BICD2: variants seen among roughly 807,000 people sequenced by gnomAD.
BICD2 encodes BICD cargo adaptor 2.
A neutral mutation model predicts 72.9 loss-of-function variants in BICD2; 25 were observed. The observed-to-expected ratio is 0.34, with a 90% CI of 0.25 to 0.48. BICD2 has a LOEUF of 0.48. Ranked by LOEUF, BICD2 falls within the 20% of genes least tolerant of loss-of-function variation. The pLI is 0.99. For synonymous variants in BICD2, 501 were observed against 516.1 expected, an observed-to-expected ratio of 0.97 and a Z score of 0.40; for missense variants, 894 against 1,175.2, an observed-to-expected ratio of 0.76 and a Z score of 3.50.
At chr9:92,754,870 T>C (rs1238517957) in intron 1 of BICD2, among the ~76,000 whole-genome samples, 1 of 152,078 alleles carries the variant, frequency 6.6e-6, no homozygotes, top group East Asian at 1.9e-4. Flanking sequence ...AATAATTGCA[T>C]TAACTGCACA....
At chr9:92,755,269 C>T (rs957727871) in intron 1 of BICD2, among the ~76,000 whole-genome samples, 1 of 152,192 alleles carries the variant, frequency 6.6e-6, no homozygotes, top group African/African-American at 2.4e-5. Context: ...ATCTCAAAAC[C>T]CTGTCTCCTG....
rs771936697 is a variant in BICD2 at position 92,764,562 on chromosome 9, G to A, written c.183C>T (p.Phe61=). 1 of 1,556,192 alleles carries A rather than the reference G, an allele frequency of 6.4e-7. No homozygotes were observed. Among genetic ancestry groups the A allele is most frequent in the South Asian group, 1.2e-5 (1 of 83,942 alleles). ...CCTCATAGTCCACCTCGAGCTCCTC[G>A]AACTGCAGCTTGAGCTGGTGCTTCT... ...LEEKHQLKLQ[F]EELEVDYEAI... Residue 61 remains phenylalanine, a synonymous_variant, in exon 1 of 7, where the codon TTC becomes TTT. Coordinates refer to ENST00000356884, the MANE Select transcript of BICD2 (RefSeq NM_001003800.2). The surrounding 1 kb of genome is among the most constrained non-coding windows in gnomAD (Gnocchi z 5.5).
intron 1 of BICD2, among the ~76,000 whole-genome samples, chr9:92,733,317 C>CACG (rs1476073937): frequency 1.3e-5 from 2 of 151,884 alleles, no homozygotes; most frequent in Non-Finnish European, 2.9e-5. Context: ...GCGGGCAGAT[C>CACG]ACGAGGTCAG....
intron 1 of BICD2, among the ~76,000 whole-genome samples, chr9:92,747,076 A>G (rs545758927): frequency 5.3e-5 from 8 of 152,212 alleles, no homozygotes; most frequent in South Asian, 2.1e-4. Flanking sequence ...GGTGGGTGGC[A>G]GAGGTCTCCC....
intron 2 of BICD2, among the ~76,000 whole-genome samples, 154 bp from the exon 3 acceptor site, chr9:92,722,962 C>T (rs1260792238): frequency 1.3e-5 from 2 of 152,168 alleles, no homozygotes; most frequent in African/African-American, 4.8e-5. Flanking sequence ...GGAGAGGGAG[C>T]CCAGAGCAGT....
chr9:92,722,879 G>A (rs1587671886), intron 2 of BICD2, 71 bp from the exon 3 acceptor site: 1 of 1,579,844 alleles, frequency 6.3e-7, no homozygotes, highest in Non-Finnish European at 8.6e-7. Context: ...GTGCAGCCAG[G>A]CACGCCATGG....
intron 2 of BICD2, among the ~76,000 whole-genome samples, chr9:92,724,692 G>C (rs570688325): frequency 1.2e-4 from 19 of 152,308 alleles, no homozygotes; most frequent in African/African-American, 3.1e-4. Context: ...GGCTACACGG[G>C]GGGTGGATAG....
chr9:92,725,065 G>A (rs756257649), intron 2 of BICD2, among the ~76,000 whole-genome samples: 1 of 152,206 alleles, frequency 6.6e-6, no homozygotes, highest in Non-Finnish European at 1.5e-5. Flanking sequence ...TGAGAGCCCA[G>A]AAGCTTCCAT....
intron 2 of BICD2, 35 bp from the exon 3 acceptor site, chr9:92,722,843 C>A (rs1411480948): frequency 8.7e-6 from 14 of 1,613,352 alleles, no homozygotes; most frequent in Non-Finnish European, 1.2e-5. Flanking sequence ...GTATGAGCAG[C>A]CTCCACAGGG....
chr9:92,720,709 T>G lies in BICD2; in HGVS notation c.653A>C (p.Glu218Ala), dbSNP rs1284227611. 6.2e-7 allele frequency: 1 copy of G among 1,614,112 alleles called. No individual in the cohort carries two copies. Among genetic ancestry groups the G allele is most frequent in the African/African-American group, 1.3e-5 (1 of 75,026 alleles). ...CAGCTGGCTGTTGAGGTACTCGGTC[T>G]CCTCCTCCAGACGCTTGATCTCATG... ...LKHEIKRLEE[E>A]TEYLNSQLED... Residue 218 changes from glutamate (E) to alanine (A), a missense_variant, in exon 4 of 7, where the codon GAG becomes GCG. Glu to Ala is a moderately radical substitution (Grantham distance 107). This residue lies in a region of BICD2 where 371 missense variants were observed against 439.1 expected (regional missense o/e 0.84). Coordinates refer to ENST00000356884, the MANE Select transcript of BICD2 (RefSeq NM_001003800.2). This position sits in a 1 kb window ranked among gnomAD's most constrained non-coding sequence, Gnocchi z 5.4.
At chr9:92,756,725 G>C (rs541948456) in intron 1 of BICD2, among the ~76,000 whole-genome samples, 1 of 151,858 alleles carries the variant, frequency 6.6e-6, no homozygotes, top group Admixed American at 6.6e-5. Context: ...AAGTTAGCCA[G>C]ACGTGGTGGT....
At position 92,715,381 on chromosome 9, in the gene BICD2, G is replaced by A; in HGVS notation, c.2341C>T (p.Leu781=). The change falls in exon 7 of 7, where the codon CTG becomes TTG. Residue 781 remains leucine (L), a synonymous_variant. Coordinates refer to ENST00000356884, the MANE Select transcript of BICD2 (RefSeq NM_001003800.2). The part of the protein sequence containing the change: ...AEDEKKTLNS[L]LRMAIQQKLA... ...TTCTGCTGGATGGCCATGCGCAGCA[G>A]CGAGTTCAGCGTCTTCTTCTCGTCC... 1.2e-6 allele frequency: 2 copies of A among 1,611,956 alleles called. No individual in the cohort carries two copies. Among genetic ancestry groups the A allele is most frequent in the Non-Finnish European group, 1.7e-6 (2 of 1,178,816 alleles).
intron 1 of BICD2, among the ~76,000 whole-genome samples, chr9:92,740,718 A>G (rs2131521331): frequency 6.6e-6 from 1 of 152,284 alleles, no homozygotes; most frequent in Middle Eastern, 3.4e-3. Flanking sequence ...GTATTTTTTT[A>G]ACCAGCTAAT....
intron 1 of BICD2, among the ~76,000 whole-genome samples, chr9:92,758,117 T>C (rs558182098): frequency 1.3e-5 from 2 of 151,798 alleles, no homozygotes; most frequent in South Asian, 2.1e-4. Context: ...GGCAGGAGAA[T>C]TGCTTGAACC....
chr9:92,721,922 C>T (rs148146250), intron 3 of BICD2, among the ~76,000 whole-genome samples: 22 of 152,320 alleles, frequency 1.4e-4, no homozygotes, highest in African/African-American at 4.6e-4. Context: ...CTTCCTCCTC[C>T]GGGCATAAAT....
intron 1 of BICD2, among the ~76,000 whole-genome samples, chr9:92,736,733 T>C (rs935114848): frequency 9.2e-5 from 14 of 152,200 alleles, no homozygotes; most frequent in Non-Finnish European, 1.8e-4. Flanking sequence ...CAGTAATATC[T>C]TCAGCTGCCT....
chr9:92,728,954 A>G, intron 2 of BICD2, 70 bp downstream of exon 2: 2 of 1,540,516 alleles, frequency 1.3e-6, no homozygotes, highest in Non-Finnish European at 1.8e-6. Flanking sequence ...GCCACCCACC[A>G]GGCACACCTG....
intron 1 of BICD2, among the ~76,000 whole-genome samples, chr9:92,755,921 G>A (rs1287176732): frequency 6.6e-6 from 1 of 152,222 alleles, no homozygotes; most frequent in Non-Finnish European, 1.5e-5. Context: ...GAATGCACTG[G>A]CCTAAAACAA....
chr9:92,754,664 T>G (rs1050867351), intron 1 of BICD2, among the ~76,000 whole-genome samples: 16 of 152,198 alleles, frequency 1.1e-4, no homozygotes, highest in African/African-American at 3.6e-4. Flanking sequence ...TCATGGACAT[T>G]TATTAGTTCC....
Sources: gnomAD v4.1 joint callset for allele counts (sites outside exome capture counted in the v4.1 genomes callset) on GRCh38, gnomAD v4.1.1 for gene constraint, gnomAD v4.1.1 regional missense constraint, Gnocchi (gnomAD v3.1) non-coding constraint, MANE v1.5 for transcripts, NCBI Gene and HGNC (gene_info 2026-07-23, HGNC 2026-07-21) for gene names.